The following DLGAP4 variants were observed in gnomAD, a reference collection of about 807,000 sequenced individuals.
DLGAP4 encodes disks large-associated protein 4.
A neutral mutation model predicts 86.9 loss-of-function variants in DLGAP4; 18 were observed. That is an observed-to-expected ratio of 0.21 (90% CI 0.14 to 0.31). The LOEUF is 0.31. DLGAP4 is among the 10% of genes least tolerant of loss of function. The pLI is 1.00. For synonymous variants in DLGAP4, 548 were observed against 574.3 expected (o/e 0.95, Z 0.65); for missense variants, 1,085 against 1,362.6 (o/e 0.80, Z 3.21).
chr20:36,474,135 T>TTACTGA (rs1378946922), intron 7 of DLGAP4, among the ~76,000 whole-genome samples: 69 of 152,376 alleles, frequency 4.5e-4, no homozygotes, highest in Middle Eastern at 6.8e-3. Flanking sequence ...GCTGCTGCTG[T>TTACTGA]TACTGACATC....
chr20:36,346,526 A>G (rs1555893007), intron 1 of DLGAP4, among the ~76,000 whole-genome samples: 1 of 152,222 alleles, frequency 6.6e-6, no homozygotes. Context: ...AACAGAGCCC[A>G]CAAAGTGGTG....
intron 7 of DLGAP4, chr20:36,462,485 C>T (rs2034136916): frequency 6.3e-7 from 1 of 1,581,768 alleles, no homozygotes; most frequent in Non-Finnish European, 8.6e-7. Flanking sequence ...AGCCCCCTGT[C>T]TCCCCTTCTC....
intron 7 of DLGAP4, among the ~76,000 whole-genome samples, chr20:36,494,605 T>TTG (rs2035803010): frequency 6.6e-6 from 1 of 152,272 alleles, no homozygotes; most frequent in South Asian, 2.1e-4. Context: ...CCAGTTCCAC[T>TTG]TGTGTGTGTG....
intron 2 of DLGAP4, among the ~76,000 whole-genome samples, chr20:36,399,985 G>A (rs2032109461): frequency 6.6e-6 from 1 of 152,182 alleles, no homozygotes; most frequent in Non-Finnish European, 1.5e-5. Context: ...CTTTCACAAT[G>A]AAGAATTGTC....
chr20:36,314,735 G>T (rs1167048560), intron 1 of DLGAP4, among the ~76,000 whole-genome samples: 1 of 129,746 alleles, frequency 7.7e-6, no homozygotes, highest in Non-Finnish European at 1.7e-5. Context: ...GGTATTATGT[G>T]TATGGAGTGG....
intron 1 of DLGAP4, among the ~76,000 whole-genome samples, chr20:36,318,106 TCA>T (rs1156543199): frequency 0.039 from 5,485 of 139,050 alleles, 194 homozygotes; most frequent in African/African-American, 0.1. Flanking sequence ...ATGTGTCCTC[TCA>T]CACACACACA....
chr20:36,372,040 G>A (rs2030961540), intron 2 of DLGAP4, among the ~76,000 whole-genome samples: 1 of 152,218 alleles, frequency 6.6e-6, no homozygotes, highest in African/African-American at 2.4e-5. Flanking sequence ...GGAATCAGCA[G>A]ATCTGGGTCA....
intron 10 of DLGAP4, among the ~76,000 whole-genome samples, chr20:36,523,838 A>G (rs1826969275): frequency 6.6e-6 from 1 of 152,056 alleles, no homozygotes; most frequent in Admixed American, 6.6e-5. Context: ...TAATTTTCAT[A>G]TATTTGTAGA....
intron 1 of DLGAP4, among the ~76,000 whole-genome samples, chr20:36,312,363 G>A (rs929060357): frequency 3.7e-4 from 56 of 150,632 alleles, no homozygotes; most frequent in Admixed American, 3.2e-3. Flanking sequence ...ACACATGCAC[G>A]CGCGAACACA....
In DLGAP4 at chr20:36,431,535, A is replaced by T; in HGVS notation, c.-72-111A>T. 1 of 654,724 alleles carries T rather than the reference A, an allele frequency of 1.5e-6. No individual in the cohort carries two copies. The highest frequency in any genetic ancestry group is 2.5e-6 in the Non-Finnish European group (1 of 393,162). 40.6% of individuals were successfully genotyped at this position (654,724 alleles called of 1,614,324 possible). Reference sequence around the variant, plus strand: ...TCCTGTCCTCAGGCCCACAACATTGAGGACTGGCTTCAGAGATCCTCCCAG... The same window carrying T: ...TCCTGTCCTCAGGCCCACAACATTGTGGACTGGCTTCAGAGATCCTCCCAG... On this transcript the variant is annotated intron_variant, in intron 2 of 12. Coordinates refer to ENST00000339266, the MANE Select transcript of DLGAP4 (RefSeq NM_001365621.2). The surrounding 1 kb of genome is among the most constrained non-coding windows in gnomAD (Gnocchi z 5.1).
In DLGAP4 at chr20:36,473,857, G is replaced by A. The variant is rs960613829; in HGVS notation, c.1649-22848G>A. Among the ~76,000 whole-genome samples, 12 of 152,300 alleles carry A rather than the reference G, an allele frequency of 7.9e-5. No homozygotes were observed. The South Asian group carries it at 1.7e-3, about 21-fold the overall frequency. On this transcript the variant is annotated intron_variant, in intron 7 of 12. Coordinates refer to ENST00000339266, the MANE Select transcript of DLGAP4 (RefSeq NM_001365621.2). ...AGGGCACCTACTGAGCATACAGTAG[G>A]TGATCAGGAAGCCCACACCCCAGAG...
At chr20:36,505,578 C>T (rs757967668) in intron 10 of DLGAP4, among the ~76,000 whole-genome samples, 14 of 151,810 alleles carry the variant, frequency 9.2e-5, no homozygotes, top group Non-Finnish European at 1.9e-4. Context: ...AGTTCAAGAC[C>T]AGCCTGGTCA....
At chr20:36,499,273 C>T (rs866211852) in intron 8 of DLGAP4, 13 of 1,613,528 alleles carry the variant, frequency 8.1e-6, no homozygotes, top group Admixed American at 5.0e-5. Context: ...TCCCACCTCT[C>T]GGAGGACAAC....
chr20:36,335,718 G>A (rs2065315086), intron 1 of DLGAP4, among the ~76,000 whole-genome samples: 2 of 152,188 alleles, frequency 1.3e-5, no homozygotes, highest in Admixed American at 6.5e-5. Context: ...TGCACATGCT[G>A]TTTCCCCATC....
chr20:36,342,499 C>T (rs985702822), intron 1 of DLGAP4, among the ~76,000 whole-genome samples: 15 of 152,316 alleles, frequency 9.8e-5, no homozygotes, highest in African/African-American at 3.6e-4. Context: ...CCATGACAGC[C>T]TCGGTACTAC....
intron 2 of DLGAP4, among the ~76,000 whole-genome samples, chr20:36,392,006 C>T (rs572022111): frequency 2.6e-5 from 4 of 152,334 alleles, no homozygotes; most frequent in South Asian, 4.1e-4. Flanking sequence ...TCCTTAAACT[C>T]GCCCTGACTT....
chr20:36,433,265 T>C (rs2033176336), intron 3 of DLGAP4, among the ~76,000 whole-genome samples: 1 of 152,194 alleles, frequency 6.6e-6, no homozygotes, highest in Non-Finnish European at 1.5e-5. Context: ...ACATGGACGG[T>C]CATGTCAGTG....
chr20:36,436,267 G>T lies in DLGAP4; in HGVS notation c.1158G>T (p.Lys386Asn). The change falls in exon 4 of 13, where the codon AAG (lysine) becomes AAT (asparagine). Residue 386 changes from lysine to asparagine, a missense_variant. This residue lies in a region of DLGAP4 where 1,082 missense variants were observed against 1,344.1 expected (regional missense o/e 0.81). Transcript: ENST00000339266. ...EDSDESGGSP[K>N]PSPKTAARRQ... ...GCGACGAGTCCGGCGGCAGCCCCAAGCCCTCACCCAAGACCGCGGCGCGGC... is the reference window on the plus strand; with the variant it reads ...GCGACGAGTCCGGCGGCAGCCCCAATCCCTCACCCAAGACCGCGGCGCGGC... 6.2e-7 allele frequency: 1 copy of T among 1,605,854 alleles called. No homozygotes were observed.
intron 2 of DLGAP4, among the ~76,000 whole-genome samples, chr20:36,396,384 C>CGG (rs1569484588): frequency 7.6e-4 from 36 of 47,258 alleles, no homozygotes; most frequent in Middle Eastern, 9.6e-3. Context: ...ACCCCACATA[C>CGG]ACACATGCCA....
Sources: allele counts gnomAD v4.1 joint callset (sites outside exome capture counted in the v4.1 genomes callset), GRCh38; gene constraint gnomAD v4.1.1; regional missense constraint gnomAD v4.1.1; non-coding constraint Gnocchi (gnomAD v3.1); transcripts MANE v1.5; gene names NCBI Gene and HGNC (gene_info 2026-07-23, HGNC 2026-07-21).